LDAF1: variants seen among roughly 807,000 people sequenced by gnomAD.
LDAF1 encodes the protein PROMETHIN.
In LDAF1, 7 loss-of-function variants were observed where a neutral mutation model predicts 13.5. That is an observed-to-expected ratio of 0.52 (90% CI 0.29 to 0.97). The LOEUF is 0.97. Among genes scored for constraint, LDAF1 ranks in the 50% least tolerant of loss-of-function variants. LDAF1 has a pLI of 0.07. For missense variants in LDAF1, 148 were observed against 193.2 expected, an observed-to-expected ratio of 0.77 and a Z score of 1.39; for synonymous variants, 69 against 77.1, an observed-to-expected ratio of 0.89 and a Z score of 0.55.
intron 2 of LDAF1, 103 bp from the exon 3 acceptor site, chr16:21,170,334 G>T (rs1597551393): frequency 6.4e-7 from 1 of 1,565,284 alleles, no homozygotes; most frequent in East Asian, 2.2e-5. Context: ...AAGCCTTCTG[G>T]CTTTACGACT....
At chr16:21,178,072 A>T (rs182266889) in intron 4 of LDAF1, 1 of 441,530 alleles carries the variant, frequency 2.3e-6, no homozygotes, top group Non-Finnish European at 3.0e-6. Flanking sequence ...TTAAATTTTT[A>T]AAAAAGAAAA....
rs543905866 is a variant in LDAF1 at position 21,168,522 on chromosome 16, AAAT to A, written c.97-1910_97-1908del. Among the ~76,000 whole-genome samples, 496 of 146,400 alleles carry A rather than the reference AAAT, an allele frequency of 3.4e-3. 1 individual carries two copies. The highest frequency in any genetic ancestry group is 9.9e-3 in the African/African-American group (399 of 40,314). ...TGCTTTTAATAATTATAATTATAATAAATAATATATAAATAATATAATACATAT... is the reference window on the plus strand; with the variant it reads ...TGCTTTTAATAATTATAATTATAATAAATATATAAATAATATAATACATAT... On this transcript the variant is annotated intron_variant, in intron 2 of 4. Transcript: ENST00000233047.
At chr16:21,166,813 GCTC>G (rs1567903502) in intron 2 of LDAF1, 1 of 1,533,986 alleles carries the variant, frequency 6.5e-7, no homozygotes, top group African/African-American at 1.4e-5. Flanking sequence ...GACTCCCACG[GCTC>G]CTCCGCCTCT....
intron 3 of LDAF1, among the ~76,000 whole-genome samples, chr16:21,172,179 G>A (rs373151147): frequency 1.3e-5 from 2 of 151,544 alleles, no homozygotes; most frequent in East Asian, 3.9e-4. Flanking sequence ...CGGACACAGT[G>A]GCTCATGCCT....
chr16:21,166,798 G>A (rs893401353), intron 2 of LDAF1: 3 of 1,516,720 alleles, frequency 2.0e-6, no homozygotes, highest in Non-Finnish European at 1.8e-6. Context: ...CACATTCTGT[G>A]TGGTGACTCC....
intron 4 of LDAF1, among the ~76,000 whole-genome samples, chr16:21,177,485 T>A (rs2093149135): frequency 6.6e-6 from 1 of 152,170 alleles, no homozygotes; most frequent in South Asian, 2.1e-4. Context: ...ATTCATTGAG[T>A]CATGCAGATC....
intron 2 of LDAF1, among the ~76,000 whole-genome samples, chr16:21,164,260 T>C (rs960915385): frequency 1.3e-5 from 2 of 152,152 alleles, no homozygotes; most frequent in Non-Finnish European, 2.9e-5. Flanking sequence ...TTATTTTTTA[T>C]TGAGACAGAG....
chr16:21,176,941 A>C, intron 4 of LDAF1, among the ~76,000 whole-genome samples: 1 of 152,024 alleles, frequency 6.6e-6, no homozygotes, highest in Non-Finnish European at 1.5e-5. Context: ...TTTCTTTTTA[A>C]AAAATTTTCT....
intron 1 of LDAF1, chr16:21,159,587 C>A (rs921644440): frequency 7.6e-6 from 6 of 789,990 alleles, no homozygotes; most frequent in Non-Finnish European, 8.0e-6. Context: ...CTGGCCCAGT[C>A]CCCCAGGCGT....
intron 4 of LDAF1, among the ~76,000 whole-genome samples, chr16:21,174,717 T>C (rs1032218102): frequency 1.3e-5 from 2 of 152,206 alleles, no homozygotes; most frequent in Admixed American, 6.5e-5. Flanking sequence ...ATCAGTATTA[T>C]TGATTCCTTT....
chr16:21,176,988 G>T (rs1359041039), intron 4 of LDAF1: 1 of 151,540 alleles, frequency 6.6e-6, no homozygotes, highest in Non-Finnish European at 1.5e-5. Flanking sequence ...ATTATTCTAT[G>T]AGAAATCATA....
intron 2 of LDAF1, among the ~76,000 whole-genome samples, chr16:21,163,854 T>TTTTG (rs61325034): frequency 0.66 from 99,870 of 151,276 alleles, 33,271 homozygotes; most frequent in East Asian, 0.81. Context: ...CACCTGCCTT[T>TTTTG]TTTGTTTGTT....
At chr16:21,177,942 CA>C (rs1172977390) in intron 4 of LDAF1, among the ~76,000 whole-genome samples, 1 of 151,460 alleles carries the variant, frequency 6.6e-6, no homozygotes, top group Non-Finnish European at 1.5e-5. Context: ...CTTTATAACT[CA>C]AAAAAAGATA....
At chr16:21,178,628 G>A (rs2093159701) in intron 4 of LDAF1, among the ~76,000 whole-genome samples, 3 of 152,108 alleles carry the variant, frequency 2.0e-5, no homozygotes, top group Admixed American at 2.0e-4. Context: ...TGCAGCTCCA[G>A]ATCTACCAGC....
intron 2 of LDAF1, among the ~76,000 whole-genome samples, chr16:21,169,576 T>A (rs764082006): frequency 6.6e-6 from 1 of 152,180 alleles, no homozygotes; most frequent in Non-Finnish European, 1.5e-5. Context: ...CCCATAATGC[T>A]GGGATTACAG....
intron 3 of LDAF1, chr16:21,172,766 GT>G: frequency 1.1e-6 from 1 of 920,270 alleles, no homozygotes. Flanking sequence ...GATGCAGGTG[GT>G]TGGCACCACA....
At chr16:21,167,245 C>G (rs527902663) in intron 2 of LDAF1, among the ~76,000 whole-genome samples, 2 of 152,328 alleles carry the variant, frequency 1.3e-5, no homozygotes, top group South Asian at 4.1e-4. Context: ...TGGGTAAACT[C>G]TTCTTCCTAG....
In LDAF1 at chr16:21,166,972, T is replaced by A. The variant is rs112069877; in HGVS notation, c.97-3465T>A. The A allele has an allele frequency of 1.8e-3, 2,686 of 1,469,978 alleles. 37 individuals carry two copies. The African/African-American group carries it at 0.03, about 17-fold the overall frequency. The allele number at this position is 1,469,978 out of a possible 1,614,324, so 91.1% of individuals were successfully genotyped here. A position where few individuals can be genotyped will look rare whatever the true frequency, so the allele number is the denominator to read the frequency against. On this transcript the variant is annotated intron_variant, in intron 2 of 4. Transcript: ENST00000233047. ...CGGAATAGCAAGCTCTTTGGTGGCT[T>A]TTGTCAGAATGGTGGGGTAGCAGGA... is the stretch of plus-strand genomic sequence containing the variant.
At chr16:21,159,455 A>C in intron 1 of LDAF1, 2 of 1,611,448 alleles carry the variant, frequency 1.2e-6, no homozygotes, top group Non-Finnish European at 1.7e-6. Flanking sequence ...CCAACCAGAG[A>C]TGTGACCCCT....
Sources: gnomAD v4.1 joint callset for allele counts (sites outside exome capture counted in the v4.1 genomes callset) on GRCh38, gnomAD v4.1.1 for gene constraint, MANE v1.5 for transcripts, NCBI Gene and HGNC (gene_info 2026-07-23, HGNC 2026-07-21) for gene names.